Variants in SETDB2 observed in about 807,000 individuals in gnomAD.
The protein encoded by SETDB2 is SET domain bifurcated histone lysine methyltransferase 2.
A neutral mutation model predicts 82.5 loss-of-function variants in SETDB2; 56 were observed. The observed-to-expected ratio is 0.68, with a 90% CI of 0.55 to 0.85. The LOEUF (loss-of-function observed/expected upper bound fraction) is 0.85, where lower values mean the gene tolerates loss of function less well. Ranked by LOEUF, SETDB2 falls within the 40% of genes least tolerant of loss-of-function variation. SETDB2 has a pLI of 0.00. For synonymous variants in SETDB2, 272 were observed against 284.9 expected (o/e 0.95, Z 0.46); for missense variants, 677 against 816.4 (o/e 0.83, Z 2.08).
chr13:49,445,326 C>T (rs1339991207), intron 1 of SETDB2, among the ~76,000 whole-genome samples: 1 of 151,996 alleles, frequency 6.6e-6, no homozygotes, highest in Non-Finnish European at 1.5e-5. Flanking sequence ...CGTAAGGAGC[C>T]GAGAGGAAAT....
chr13:49,474,359 CT>C (rs1958311425), intron 5 of SETDB2, among the ~76,000 whole-genome samples: 1 of 152,190 alleles, frequency 6.6e-6, no homozygotes, highest in African/African-American at 2.4e-5. Context: ...ATTGATGAAA[CT>C]CTGTGAAAAC....
rs1254381110 is a variant in SETDB2, at chr13:49,493,192, T to C, written c.*1343T>C. The C allele has an allele frequency of 6.6e-6, 1 of 152,012 alleles. No individual in the cohort carries two copies. The highest frequency in any genetic ancestry group is 1.5e-5 in the Non-Finnish European group (1 of 68,010). 9.4% of individuals were successfully genotyped at this position (152,012 alleles called of 1,614,324 possible). A position where few individuals can be genotyped will look rare whatever the true frequency, so the allele number is the denominator to read the frequency against. ...GACAGCTAGGAAAAGGAGCAAAACA[T>C]AGCCCAGCAACCTACAGATGAAGAA... On this transcript the variant is annotated 3_prime_UTR_variant, in exon 14 of 14. Coordinates refer to ENST00000611815, the MANE Select transcript of SETDB2 (RefSeq NM_001160308.3).
At chr13:49,456,129 C>G (rs9535247) in intron 2 of SETDB2, among the ~76,000 whole-genome samples, 79,492 of 151,796 alleles carry the variant, frequency 0.52, 20,922 homozygotes, top group Middle Eastern at 0.57. Context: ...TTTGGGGAGT[C>G]CTAGGGGTCC....
In SETDB2 at chr13:49,482,717, CTT is replaced by C. The variant is rs746288311; in HGVS notation, c.1157-18_1157-17del. The C allele has an allele frequency of 6.2e-5, 95 of 1,520,966 alleles. No homozygotes were observed. Among genetic ancestry groups the C allele is most frequent in the South Asian group, 2.1e-4 (18 of 86,982 alleles). The allele number at this position is 1,520,966 out of a possible 1,614,324, so 94.2% of individuals were successfully genotyped here. A position where few individuals can be genotyped will look rare whatever the true frequency, so the allele number is the denominator to read the frequency against. On this transcript the variant is annotated intron_variant, in intron 8 of 13. Coordinates refer to ENST00000611815, the MANE Select transcript of SETDB2 (RefSeq NM_001160308.3). ...AATTATCTTCTGTGTTGTTCAAACT[CTT>C]TAACATTTTCCTTTTAGGAAGATTA...
Position 49,485,728 on chromosome 13 carries a change from G to A in SETDB2, c.1576+5G>A. On this transcript the variant is annotated splice_donor_5th_base_variant and intron_variant, in intron 11 of 13. Transcript: ENST00000611815. Reference sequence around the variant, plus strand: ...CTAAAACCAAGGGAGCACAAAGTAGGCTTTGTTTCTTCTGTGAATGCCTAC... The same window carrying A: ...CTAAAACCAAGGGAGCACAAAGTAGACTTTGTTTCTTCTGTGAATGCCTAC... 6.2e-7 allele frequency: 1 copy of A among 1,611,104 alleles called. No homozygotes were observed. Among genetic ancestry groups the A allele is most frequent in the Non-Finnish European group, 8.5e-7 (1 of 1,177,466 alleles).
intron 13 of SETDB2, among the ~76,000 whole-genome samples, 181 bp from the exon 14 acceptor site, chr13:49,491,551 T>C (rs1221291068): frequency 6.6e-6 from 1 of 152,232 alleles, no homozygotes; most frequent in Non-Finnish European, 1.5e-5. Context: ...TTTTAGTAGA[T>C]TTGAAATAAA....
intron 1 of SETDB2, among the ~76,000 whole-genome samples, chr13:49,449,848 A>G (rs1957755325): frequency 6.6e-6 from 1 of 152,190 alleles, no homozygotes; most frequent in Non-Finnish European, 1.5e-5. Flanking sequence ...CACTATTGCT[A>G]CGTATACCTC....
chr13:49,446,803 G>T (rs1957699837), intron 1 of SETDB2, among the ~76,000 whole-genome samples: 2 of 152,130 alleles, frequency 1.3e-5, no homozygotes, highest in Non-Finnish European at 2.9e-5. Flanking sequence ...TAGGTTTCCA[G>T]TTTTTCACCA....
intron 1 of SETDB2, chr13:49,446,308 TATAAAAAC>T: frequency 2.2e-6 from 1 of 452,332 alleles, no homozygotes; most frequent in East Asian, 7.0e-5. Flanking sequence ...AGGTTATACT[TATAAAAAC>T]AGTTGAATAG....
At chr13:49,459,007 C>G (rs188312372) in intron 2 of SETDB2, among the ~76,000 whole-genome samples, 11 of 152,366 alleles carry the variant, frequency 7.2e-5, no homozygotes, top group Admixed American at 2.6e-4. Context: ...CCATTTTGTC[C>G]TCTTACATTG....
At chr13:49,491,045 G>A (rs1958701425) in intron 13 of SETDB2, 135 bp downstream of exon 13, 1 of 596,938 alleles carries the variant, frequency 1.7e-6, no homozygotes, top group Non-Finnish European at 2.9e-6. Context: ...TTGAGCTCAG[G>A]AGTTTAAGAC....
chr13:49,474,567 C>T (rs1182610948), intron 5 of SETDB2, among the ~76,000 whole-genome samples: 1 of 152,176 alleles, frequency 6.6e-6, no homozygotes, highest in African/African-American at 2.4e-5. Flanking sequence ...AAGATTATTA[C>T]AATAAAATTA....
chr13:49,494,069 TCTTAA>T lies in SETDB2; in HGVS notation c.*2224_*2228del, dbSNP rs1958761105. On this transcript the variant is annotated 3_prime_UTR_variant, in exon 14 of 14. Transcript: ENST00000611815. Reference sequence around the variant, plus strand: ...TGATCTCTAATTTTCCTATCTTTTCTCTTAACTTTCAGCTCTGTCTTCTTGCTAGG... The same window carrying T: ...TGATCTCTAATTTTCCTATCTTTTCTCTTTCAGCTCTGTCTTCTTGCTAGG... 1 of 152,218 alleles carries T rather than the reference TCTTAA, an allele frequency of 6.6e-6. No homozygotes were observed. The allele number at this position is 152,218 out of a possible 1,614,324, so 9.4% of individuals were successfully genotyped here. A position where few individuals can be genotyped will look rare whatever the true frequency, so the allele number is the denominator to read the frequency against.
Position 49,482,814 on chromosome 13 carries a change from A to C in SETDB2, c.1234A>C (p.Asn412His). ...CGGGAGAGATGAGAATACTATGAAA[A>C]ATATATTTTCAAAAAAGAGGAAATT... Reference protein sequence around the residue: ...ENGRDENTMKNIFSKKRKLEV... With the variant: ...ENGRDENTMKHIFSKKRKLEV... Residue 412 changes from asparagine (N) to histidine (H), a missense_variant, in exon 9 of 14, where the codon AAT becomes CAT. Asn to His is a moderately conservative substitution (Grantham distance 68). Around this residue, in one of 3 missense-constraint regions of SETDB2, gnomAD observed 420 missense variants for 554.6 expected, o/e 0.76. Transcript: ENST00000611815. The C allele has an allele frequency of 1.2e-6, 2 of 1,612,772 alleles. No individual in the cohort carries two copies. Among genetic ancestry groups the C allele is most frequent in the Non-Finnish European group, 1.7e-6 (2 of 1,179,062 alleles).
At chr13:49,459,785 T>C (rs985268728) in intron 2 of SETDB2, 15 of 168,540 alleles carry the variant, frequency 8.9e-5, no homozygotes, top group Admixed American at 8.3e-4. Flanking sequence ...CTGAGACTTT[T>C]TAAAGTGCAT....
intron 1 of SETDB2, among the ~76,000 whole-genome samples, chr13:49,446,739 ATT>A (rs1180616410): frequency 1.3e-5 from 2 of 152,034 alleles, no homozygotes; most frequent in Non-Finnish European, 2.9e-5. Flanking sequence ...GTTAAATCCT[ATT>A]TTGTTTGATG....
Position 49,444,553 on chromosome 13 carries a change from A to C in SETDB2, c.-646A>C, listed in dbSNP as rs999619435. ...GTGGCTGGCCCCCGACAGTTCCTCT[A>C]GCCGGGAGGTTGGAGGAGCTGAAAA... On this transcript the variant is annotated 5_prime_UTR_variant, in exon 1 of 14. Transcript: ENST00000611815. 1.9e-5 allele frequency: 3 copies of C among 157,336 alleles called. No homozygotes were observed. The highest frequency in any genetic ancestry group is 7.2e-5 in the African/African-American group (3 of 41,444). The allele number at this position is 157,336 out of a possible 1,614,324, so 9.7% of individuals were successfully genotyped here.
chr13:49,468,162 C>CT (rs1288782713), intron 5 of SETDB2, among the ~76,000 whole-genome samples: 1 of 152,056 alleles, frequency 6.6e-6, no homozygotes, highest in Non-Finnish European at 1.5e-5. Flanking sequence ...TTAATCAAGT[C>CT]TTTTTATAAA....
Position 49,444,613 on chromosome 13 carries a change from G to C in SETDB2, c.-586G>C. ...GCCCTCGGCCGCCCGAGCAGGGGCTGGACCCCAGCCCTTGCAGCCTCCCTT... is the reference window on the plus strand; with the variant it reads ...GCCCTCGGCCGCCCGAGCAGGGGCTCGACCCCAGCCCTTGCAGCCTCCCTT... On this transcript the variant is annotated 5_prime_UTR_variant, in exon 1 of 14. Transcript: ENST00000611815. 6.3e-6 allele frequency: 1 copy of C among 158,032 alleles called. No homozygotes were observed. The highest frequency in any genetic ancestry group is 1.4e-5 in the Non-Finnish European group (1 of 70,798). 9.8% of individuals were successfully genotyped at this position (158,032 alleles called of 1,614,324 possible).
Sources: allele counts gnomAD v4.1 joint callset (sites outside exome capture counted in the v4.1 genomes callset), GRCh38; gene constraint gnomAD v4.1.1; regional missense constraint gnomAD v4.1.1; transcripts MANE v1.5; gene names NCBI Gene and HGNC (gene_info 2026-07-23, HGNC 2026-07-21).